Variants in KRT76 observed in about 807,000 individuals in gnomAD.
KRT76 encodes keratin, type II cytoskeletal 2 oral.
In KRT76, 47 loss-of-function variants were observed where a neutral mutation model predicts 44.9. That is an observed-to-expected ratio of 1.05 (90% CI 0.83 to 1.33). KRT76 has a LOEUF of 1.33. Among genes scored for constraint, KRT76 ranks in the 40% most tolerant of loss-of-function variants. The probability of loss-of-function intolerance (pLI) is 0.00; values close to 1 mark genes in which losing one functional copy is unlikely to be tolerated. For synonymous variants in KRT76, 331 were observed against 294.1 expected, an observed-to-expected ratio of 1.13 and a Z score of -1.28; for missense variants, 860 against 775.8, an observed-to-expected ratio of 1.11 and a Z score of -1.29.
In KRT76 at chr12:52,775,479, A is replaced by G. The variant is rs1565673277; in HGVS notation, c.724T>C (p.Cys242Arg). The change falls in exon 2 of 9, where the codon TGC becomes CGC. Residue 242 changes from cysteine to arginine, a missense_variant. Physicochemically the swap from Cys to Arg is radical, Grantham distance 180. Transcript: ENST00000332411. ...CCTAGAAGTGAATCTAGCTGCTTGC[A>G]TAGGAAGCTGATGTAGGATTCAAAA... ...PCFESYISFLCKQLDSLLGER... is the reference protein window; with the variant it reads ...PCFESYISFLRKQLDSLLGER... 1.2e-6 allele frequency: 2 copies of G among 1,614,140 alleles called. No individual in the cohort carries two copies. Among genetic ancestry groups the G allele is most frequent in the South Asian group, 1.1e-5 (1 of 91,080 alleles).
chr12:52,774,632 G>T (rs1333097030), intron 2 of KRT76, among the ~76,000 whole-genome samples: 1 of 152,158 alleles, frequency 6.6e-6, no homozygotes, highest in Non-Finnish European at 1.5e-5. Context: ...AGAGGTCTCT[G>T]GGATCTCTTT....
intron 2 of KRT76, among the ~76,000 whole-genome samples, chr12:52,774,467 A>G (rs1245209984): frequency 2.0e-5 from 3 of 152,232 alleles, no homozygotes; most frequent in East Asian, 1.9e-4. Flanking sequence ...GAAAGAATTC[A>G]TACCTTCTGA....
chr12:52,775,383 C>T lies in KRT76; in HGVS notation c.815+5G>A. On this transcript the variant is annotated splice_donor_5th_base_variant and intron_variant, in intron 2 of 8. Transcript: ENST00000332411. The stretch of plus-strand genomic sequence containing the variant: ...AAGGGGAAACTTCCCAGGAGGAGCC[C>T]TCACTTCTTTTTGAAGTCTTCCACC... The T allele has an allele frequency of 6.2e-7, 1 of 1,613,756 alleles. No homozygotes were observed. Among genetic ancestry groups the T allele is most frequent in the South Asian group, 1.1e-5 (1 of 91,058 alleles).
In KRT76 at chr12:52,773,619, C is replaced by A. The variant is rs774992428; in HGVS notation, c.839G>T (p.Arg280Leu). The change falls in exon 3 of 9, where the codon CGC becomes CTC. Residue 280 changes from arginine (R) to leucine (L), a missense_variant. Coordinates refer to ENST00000332411, the MANE Select transcript of KRT76 (RefSeq NM_015848.4). ...KKKYEDEINKRTAAENEFVGL... is the reference protein window; with the variant it reads ...KKKYEDEINKLTAAENEFVGL... ...CACAAACTCATTCTCTGCGGCAGTG[C>A]GTTTGTTGATTTCATCTTCATACCT... 4 of 1,613,194 alleles carry A rather than the reference C, an allele frequency of 2.5e-6. No homozygotes were observed. In the South Asian group the frequency reaches 3.3e-5, roughly 13 times the overall value.
intron 7 of KRT76, among the ~76,000 whole-genome samples, chr12:52,770,634 C>T (rs113141502): frequency 1.3e-5 from 2 of 152,232 alleles, no homozygotes; most frequent in African/African-American, 4.8e-5. Context: ...ATTTCCAGGG[C>T]TCAAGTGGCC....
Position 52,770,923 on chromosome 12 carries a change from A to G in KRT76, c.1484+76T>C, listed in dbSNP as rs547449507. On this transcript the variant is annotated intron_variant, in intron 7 of 8. Transcript: ENST00000332411. ...TTGTCTTAGTGTTCCTCTCCTTATCATCTTGCCCCCTTTCCACATTATCAA... is the reference window on the plus strand; with the variant it reads ...TTGTCTTAGTGTTCCTCTCCTTATCGTCTTGCCCCCTTTCCACATTATCAA... 6 of 1,586,266 alleles carry G rather than the reference A, an allele frequency of 3.8e-6. No homozygotes were observed. The Admixed American group carries it at 1.0e-4, about 27-fold the overall frequency.
In KRT76 at chr12:52,771,856, T is replaced by C; in HGVS notation, c.1263+15A>G. The C allele has an allele frequency of 6.2e-7, 1 of 1,611,676 alleles. No individual in the cohort carries two copies. Among genetic ancestry groups the C allele is most frequent in the Non-Finnish European group, 8.5e-7 (1 of 1,178,468 alleles). On this transcript the variant is annotated intron_variant, in intron 6 of 8. Transcript: ENST00000332411. ...CAGAAGACCTCTGGGATCTCTCCGT[T>C]AAACCCAGCCCCACCTGCTTCTTGA...
Position 52,776,776 on chromosome 12 carries a change from G to T in KRT76, c.516C>A (p.Ile172=), listed in dbSNP as rs146014128. ...QSLLQPLNVE[I]DPQIGQVKAQ... ...CCTTTACTTGCCCAATCTGGGGGTC[G>T]ATCTCCACATTGAGGGGCTGCAGGA... is the stretch of plus-strand genomic sequence containing the variant. The change falls in exon 1 of 9, where the codon ATC becomes ATA. Residue 172 remains isoleucine, a synonymous_variant. Coordinates refer to ENST00000332411, the MANE Select transcript of KRT76 (RefSeq NM_015848.4). 1.3e-5 allele frequency: 21 copies of T among 1,613,992 alleles called. No individual in the cohort carries two copies. In the African/African-American group the frequency reaches 2.1e-4, roughly 16 times the overall value.
rs1213324445 is a variant in KRT76 at position 52,768,545 on chromosome 12, C to T, written c.*168G>A. On this transcript the variant is annotated 3_prime_UTR_variant, in exon 9 of 9. Transcript: ENST00000332411. ...GACCAGCAGCAGGACCTCCATGGCC[C>T]TGGGAAGGTCATGGGGATGGAGAAA... 6 of 748,902 alleles carry T rather than the reference C, an allele frequency of 8.0e-6. No homozygotes were observed. The highest frequency in any genetic ancestry group is 1.3e-5 in the Non-Finnish European group (6 of 459,360). 46.4% of individuals were successfully genotyped at this position (748,902 alleles called of 1,614,324 possible).
Position 52,771,887 on chromosome 12 carries a change from T to G in KRT76, c.1247A>C (p.Glu416Ala), listed in dbSNP as rs1201507974. Residue 416 changes from glutamate (E) to alanine (A), a missense_variant, in exon 6 of 9, where the codon GAA (glutamate) becomes GCA (alanine). Coordinates refer to ENST00000332411, the MANE Select transcript of KRT76 (RefSeq NM_015848.4). Reference protein sequence around the residue: ...RMIQRLRAEIENVKKQNANLQ... With the variant: ...RMIQRLRAEIANVKKQNANLQ... ...CAGCCCCACCTGCTTCTTGACATTTTCAATCTCAGCCCGTAGCCTCTGGAT... is the reference window on the plus strand; with the variant it reads ...CAGCCCCACCTGCTTCTTGACATTTGCAATCTCAGCCCGTAGCCTCTGGAT... 3.1e-6 allele frequency: 5 copies of G among 1,613,854 alleles called. No individual in the cohort carries two copies. The highest frequency in any genetic ancestry group is 3.3e-4 in the Middle Eastern group (2 of 6,060).
intron 8 of KRT76, 121 bp from the exon 9 acceptor site, chr12:52,769,231 G>A (rs919736153): frequency 1.6e-6 from 1 of 611,734 alleles, no homozygotes; most frequent in Non-Finnish European, 3.0e-6. Flanking sequence ...CTTATCTAAT[G>A]CCTCAGTTTG....
chr12:52,777,186 A>G lies in KRT76; in HGVS notation c.106T>C (p.Ser36Pro). The G allele has an allele frequency of 1.9e-6, 3 of 1,614,166 alleles. No individual in the cohort carries two copies. Among genetic ancestry groups the G allele is most frequent in the Non-Finnish European group, 2.5e-6 (3 of 1,180,022 alleles). Reference sequence around the variant, plus strand: ...CAGGCCCCTCCACCAGCTCCCCCAGAGCGGGCCACACAGCTCATCCTGCTG... The same window carrying G: ...CAGGCCCCTCCACCAGCTCCCCCAGGGCGGGCCACACAGCTCATCCTGCTG... ...GSSRMSCVARSGGAGGGACGF... is the reference protein window; with the variant it reads ...GSSRMSCVARPGGAGGGACGF... Residue 36 changes from serine to proline, a missense_variant, in exon 1 of 9, where the codon TCT (serine) becomes CCT (proline). By Grantham distance (74) the Ser-to-Pro change is moderately conservative. Coordinates refer to ENST00000332411, the MANE Select transcript of KRT76 (RefSeq NM_015848.4).
At chr12:52,771,528 A>T (rs1047650982) in intron 6 of KRT76, among the ~76,000 whole-genome samples, 1 of 152,204 alleles carries the variant, frequency 6.6e-6, no homozygotes, top group Non-Finnish European at 1.5e-5. Context: ...TAATCACTTC[A>T]TTCCAATGAT....
At chr12:52,774,637 C>G (rs1939232842) in intron 2 of KRT76, among the ~76,000 whole-genome samples, 1 of 152,098 alleles carries the variant, frequency 6.6e-6, no homozygotes, top group Non-Finnish European at 1.5e-5. Flanking sequence ...TCTCTGGGAT[C>G]TCTTTTGGGA....
chr12:52,777,144 C>T lies in KRT76; in HGVS notation c.148G>A (p.Ala50Thr). The T allele has an allele frequency of 2.5e-6, 4 of 1,614,230 alleles. No individual in the cohort carries two copies. Among genetic ancestry groups the T allele is most frequent in the Middle Eastern group, 1.6e-4 (1 of 6,062 alleles). ...AGGCTGCGACTGCCAAAGCTGCCTG[C>T]TCCGCTCCTGAAGCCACAGGCCCCT... The part of the protein sequence containing the change: ...GGGACGFRSG[A>T]GSFGSRSLYN... The change falls in exon 1 of 9, where the codon GCA (alanine) becomes ACA (threonine). Residue 50 changes from alanine to threonine, a missense_variant. Coordinates refer to ENST00000332411, the MANE Select transcript of KRT76 (RefSeq NM_015848.4).
rs200225260 is a variant in KRT76 at position 52,771,137 on chromosome 12, T to A, written c.1346A>T (p.Asp449Val). The A allele has an allele frequency of 9.3e-6, 15 of 1,614,014 alleles. No homozygotes were observed. The highest frequency in any genetic ancestry group is 1.3e-5 in the Non-Finnish European group (15 of 1,180,036). ...AGCCTTCTGTAGGGCAGTCTGCAAG[T>A]CTTGGAGCTTGGCATTGGCGTCCTT... ...ALKDANAKLQ[D>V]LQTALQKAKD... The change falls in exon 7 of 9, where the codon GAC becomes GTC. Residue 449 changes from aspartate (D) to valine (V), a missense_variant. Transcript: ENST00000332411.
chr12:52,773,129 A>G (rs1939211277), intron 3 of KRT76, among the ~76,000 whole-genome samples: 1 of 152,228 alleles, frequency 6.6e-6, no homozygotes, highest in Non-Finnish European at 1.5e-5. Context: ...ATTTTAGGGT[A>G]GAAAAATCAT....
intron 1 of KRT76, 33 bp downstream of exon 1, chr12:52,776,659 A>G: frequency 6.2e-7 from 1 of 1,613,056 alleles, no homozygotes; most frequent in Non-Finnish European, 8.5e-7. Context: ...GGCACCCCAA[A>G]CCCTCCACAG....
In KRT76 at chr12:52,771,168, C is replaced by T. The variant is rs200017070; in HGVS notation, c.1315G>A (p.Ala439Thr). Residue 439 changes from alanine to threonine, a missense_variant, in exon 7 of 9, where the codon GCC (alanine) becomes ACC (threonine). Coordinates refer to ENST00000332411, the MANE Select transcript of KRT76 (RefSeq NM_015848.4). Reference sequence around the variant, plus strand: ...AGCTTGGCATTGGCGTCCTTGAGGGCCATCTCTCCACGCTGCTCAGCCTCT... The same window carrying T: ...AGCTTGGCATTGGCGTCCTTGAGGGTCATCTCTCCACGCTGCTCAGCCTCT... ...IAEAEQRGEMALKDANAKLQD... is the reference protein window; with the variant it reads ...IAEAEQRGEMTLKDANAKLQD... 16 of 1,614,176 alleles carry T rather than the reference C, an allele frequency of 9.9e-6. No homozygotes were observed. In the East Asian group the frequency reaches 3.6e-4, roughly 36 times the overall value.
Sources: gnomAD v4.1 joint callset for allele counts (sites outside exome capture counted in the v4.1 genomes callset) on GRCh38, gnomAD v4.1.1 for gene constraint, MANE v1.5 for transcripts, NCBI Gene and HGNC (gene_info 2026-07-23, HGNC 2026-07-21) for gene names.